PCDH19: variants seen among roughly 807,000 people sequenced by gnomAD.
The protein encoded by PCDH19 is protocadherin-19.
A neutral mutation model predicts 46.2 loss-of-function variants in PCDH19; 6 were observed. That is an observed-to-expected ratio of 0.13 (90% confidence interval 0.07 to 0.26). The LOEUF (loss-of-function observed/expected upper bound fraction) is 0.26, where lower values mean the gene tolerates loss of function less well. PCDH19 is among the 10% of genes least tolerant of loss of function. The pLI is 1.00. For synonymous variants in PCDH19, 481 were observed against 415.7 expected (o/e 1.16, Z -1.91); for missense variants, 740 against 972.3 (o/e 0.76, Z 3.18).
At chrX:100,377,562 A>G (rs185305508) in intron 3 of PCDH19, among the ~76,000 whole-genome samples, 1 of 112,216 alleles carries the variant, frequency 8.9e-6, no homozygotes, top group Non-Finnish European at 1.9e-5. Context: ...TCAATACCAC[A>G]CAGCTGAAGT....
rs59564734 is a variant in PCDH19 at position 100,409,709 on chromosome X, TCCGCCG to T, written c.-1118_-1113del. 3.9e-4 allele frequency: 94 copies of T among 243,694 alleles called. No individual in the cohort carries two copies. Among genetic ancestry groups the T allele is most frequent in the African/African-American group, 1.6e-3 (50 of 30,840 alleles). The allele number at this position is 243,694 out of a possible 1,213,427, so 20.1% of individuals were successfully genotyped here. On this transcript the variant is annotated 5_prime_UTR_variant, in exon 1 of 6. Transcript: ENST00000373034. ...TTTGGGCTGGGGTGTCGCTCCAAGG[TCCGCCG>T]CCGCCGCCGCCGCCGCCGCCGCCGC...
chrX:100,363,842 G>A (rs1294869634), intron 3 of PCDH19, among the ~76,000 whole-genome samples: 3 of 47,154 alleles, frequency 6.4e-5, no homozygotes, highest in Non-Finnish European at 1.2e-4. Flanking sequence ...GACACTTTAG[G>A]TAGAATGTGC....
chrX:100,296,923 T>A (rs1458408936), intron 5 of PCDH19, 48 bp from the exon 6 acceptor site: 6 of 1,068,952 alleles, frequency 5.6e-6, no homozygotes, highest in Non-Finnish European at 6.5e-6. Context: ...TTCCCAGGAT[T>A]CACTGTTACT....
chrX:100,397,272 C>G (rs755170429), intron 3 of PCDH19, among the ~76,000 whole-genome samples: 6 of 111,822 alleles, frequency 5.4e-5, no homozygotes, highest in African/African-American at 1.9e-4. Context: ...CTAAGATGAC[C>G]ATGCATTCAG....
At chrX:100,350,079 A>G (rs1926523556) in intron 4 of PCDH19, among the ~76,000 whole-genome samples, 1 of 112,696 alleles carries the variant, frequency 8.9e-6, no homozygotes, top group Non-Finnish European at 1.9e-5. Flanking sequence ...TAGAAAGGAA[A>G]GGATTGGCTT....
At chrX:100,340,282 C>G (rs1408127793) in intron 5 of PCDH19, among the ~76,000 whole-genome samples, 2 of 112,017 alleles carry the variant, frequency 1.8e-5, no homozygotes, top group Non-Finnish European at 3.8e-5. Flanking sequence ...AGCTGCAGTT[C>G]CCTGATACTG....
Position 100,351,960 on chromosome X carries a change from G to A in PCDH19, c.2617-1256C>T, listed in dbSNP as rs762037413. On this transcript the variant is annotated intron_variant, in intron 3 of 5. Coordinates refer to ENST00000373034, the MANE Select transcript of PCDH19 (RefSeq NM_001184880.2). ...GCCTACAATAGGTAGGAAGGGGGACGGTGAATGTGTGAGAGAGAGGAGGAG... is the reference window on the plus strand; with the variant it reads ...GCCTACAATAGGTAGGAAGGGGGACAGTGAATGTGTGAGAGAGAGGAGGAG... Among the ~76,000 whole-genome samples, 179 of 112,014 alleles carry A rather than the reference G, an allele frequency of 1.6e-3. 2 individuals are homozygous for A. The highest frequency in any genetic ancestry group is 1.5e-3 in the Non-Finnish European group (80 of 53,214).
At chrX:100,322,725 T>A (rs1419706153) in intron 5 of PCDH19, among the ~76,000 whole-genome samples, 13 of 105,612 alleles carry the variant, frequency 1.2e-4, no homozygotes, top group Non-Finnish European at 1.9e-5. Context: ...TACTCATTCA[T>A]GAGCATGGGA....
At position 100,296,135 on chromosome X, in the gene PCDH19, T is replaced by C. The variant is rs1924592415; in HGVS notation, c.*142A>G. 1.9e-6 allele frequency: 1 copy of C among 536,546 alleles called. No individual in the cohort carries two copies. The highest frequency in any genetic ancestry group is 3.3e-5 in the East Asian group (1 of 29,962). 44.2% of individuals were successfully genotyped at this position (536,546 alleles called of 1,213,427 possible). A position where few individuals can be genotyped will look rare whatever the true frequency, so the allele number is the denominator to read the frequency against. On this transcript the variant is annotated 3_prime_UTR_variant, in exon 6 of 6. Coordinates refer to ENST00000373034, the MANE Select transcript of PCDH19 (RefSeq NM_001184880.2). ...GAAACAAGGGACTGTCACAGAATGA[T>C]AATCACCTATAAACAATACATTTAG...
rs1335268 is a variant in PCDH19 at position 100,295,885 on chromosome X, G to A, written c.*392C>T. Reference sequence around the variant, plus strand: ...AAAAACAGTGGCGAGCTTATTAAAGGTGTCCAGAGCTTTTTTTTTTCACTT... The same window carrying A: ...AAAAACAGTGGCGAGCTTATTAAAGATGTCCAGAGCTTTTTTTTTTCACTT... On this transcript the variant is annotated 3_prime_UTR_variant, in exon 6 of 6. Coordinates refer to ENST00000373034, the MANE Select transcript of PCDH19 (RefSeq NM_001184880.2). 0.3 allele frequency: 45,139 copies of A among 151,109 alleles called. 5,393 individuals carry two copies. The highest frequency in any genetic ancestry group is 0.34 in the Admixed American group (4,491 of 13,217). 12.5% of individuals were successfully genotyped at this position (151,109 alleles called of 1,213,427 possible). A position where few individuals can be genotyped will look rare whatever the true frequency, so the allele number is the denominator to read the frequency against.
intron 5 of PCDH19, among the ~76,000 whole-genome samples, chrX:100,329,161 AAAG>A (rs1925795776): frequency 8.9e-6 from 1 of 112,677 alleles, no homozygotes; most frequent in Admixed American, 9.3e-5. Flanking sequence ...ACAGTCAAAA[AAAG>A]AAGGTTTTCT....
At chrX:100,385,901 A>C (rs994357876) in intron 3 of PCDH19, among the ~76,000 whole-genome samples, 1 of 111,873 alleles carries the variant, frequency 8.9e-6, no homozygotes, top group African/African-American at 3.3e-5. Context: ...CTCAAAAAAA[A>C]AGAAAAAATC....
At chrX:100,302,151 T>G (rs984019175) in intron 5 of PCDH19, among the ~76,000 whole-genome samples, 2 of 111,584 alleles carry the variant, frequency 1.8e-5, no homozygotes, top group African/African-American at 6.5e-5. Flanking sequence ...GGTGGCAGAA[T>G]AGAAAGATAT....
chrX:100,376,131 C>T (rs768060603), intron 3 of PCDH19, among the ~76,000 whole-genome samples: 3 of 105,599 alleles, frequency 2.8e-5, no homozygotes, highest in Non-Finnish European at 3.9e-5. Flanking sequence ...GCTACTTGGG[C>T]GGCTGAGGCA....
intron 3 of PCDH19, among the ~76,000 whole-genome samples, chrX:100,373,854 T>A (rs138455244): frequency 0.047 from 5,286 of 112,726 alleles, 278 homozygotes; most frequent in African/African-American, 0.16. Context: ...GCCAGAGGGA[T>A]GGTCTCTTGG....
At position 100,321,990 on chromosome X, in the gene PCDH19, C is replaced by T. The variant is rs373259433; in HGVS notation, c.2848+19913G>A. Among the ~76,000 whole-genome samples, 15 of 108,626 alleles carry T rather than the reference C, an allele frequency of 1.4e-4. No individual in the cohort carries two copies. The East Asian group carries it at 2.9e-3, about 21-fold the overall frequency. 94.3% of individuals were successfully genotyped at this position (108,626 alleles called of 115,157 possible). A position where few individuals can be genotyped will look rare whatever the true frequency, so the allele number is the denominator to read the frequency against. On this transcript the variant is annotated intron_variant, in intron 5 of 5. Transcript: ENST00000373034. ...ATTTTTAGTAGAGACGGGGTTTCAC[C>T]GTGTCAGCCAGGATGGTCTCGATCT... is the stretch of plus-strand genomic sequence containing the variant.
At chrX:100,363,526 A>C (rs770001412) in intron 3 of PCDH19, among the ~76,000 whole-genome samples, 3 of 105,845 alleles carry the variant, frequency 2.8e-5, no homozygotes, top group African/African-American at 1.0e-4. Flanking sequence ...GAGGTTTCCT[A>C]CTAGGATATT....
At chrX:100,343,981 A>T (rs774139019) in intron 4 of PCDH19, among the ~76,000 whole-genome samples, 15 of 111,862 alleles carry the variant, frequency 1.3e-4, no homozygotes, top group African/African-American at 2.0e-4. Context: ...CACTTAGTCA[A>T]GAAGAATCAC....
At chrX:100,305,942 A>C (rs910925032) in intron 5 of PCDH19, among the ~76,000 whole-genome samples, 10 of 111,997 alleles carry the variant, frequency 8.9e-5, no homozygotes, top group South Asian at 3.7e-4. Context: ...CCTAAGAAAT[A>C]AGATAGATGG....
Sources: allele counts gnomAD v4.1 joint callset (sites outside exome capture counted in the v4.1 genomes callset), GRCh38; gene constraint gnomAD v4.1.1; transcripts MANE v1.5; gene names NCBI Gene and HGNC (gene_info 2026-07-23, HGNC 2026-07-21).